TENM4: variants seen among roughly 807,000 people sequenced by gnomAD.
TENM4 encodes teneurin-4.
Under a neutral mutation model 243.3 loss-of-function variants are expected in TENM4, and 82 were observed. That is an observed-to-expected ratio of 0.34 (90% CI 0.28 to 0.40). The LOEUF (loss-of-function observed/expected upper bound fraction) is 0.40. TENM4 is among the 10% of genes least tolerant of loss of function. TENM4 has a pLI of 1.00. For missense variants in TENM4, 3,138 were observed against 3,673.3 expected (o/e 0.85, Z 3.77); for synonymous variants, 1,412 against 1,456.3 (o/e 0.97, Z 0.69).
chr11:79,218,240 C>CCA (rs1274470149), intron 2 of TENM4, among the ~76,000 whole-genome samples: 1 of 138,584 alleles, frequency 7.2e-6, no homozygotes, highest in Non-Finnish European at 1.6e-5. Flanking sequence ...GCCCACCCAC[C>CCA]CCCGACACAC....
intron 4 of TENM4, among the ~76,000 whole-genome samples, chr11:79,073,769 G>T (rs1860473060): frequency 6.6e-6 from 1 of 152,164 alleles, no homozygotes; most frequent in Admixed American, 6.5e-5. Context: ...AATGAGTTAA[G>T]ATGTGCCCCT....
intron 25 of TENM4, among the ~76,000 whole-genome samples, chr11:78,717,650 C>G (rs1410910288): frequency 6.6e-6 from 1 of 152,186 alleles, no homozygotes; most frequent in Non-Finnish European, 1.5e-5. Context: ...ATAAAATACC[C>G]AATAAATGGC....
intron 1 of TENM4, among the ~76,000 whole-genome samples, chr11:79,419,357 T>G (rs887678745): frequency 6.6e-6 from 1 of 152,128 alleles, no homozygotes; most frequent in East Asian, 1.9e-4. Context: ...AGTCGAGCTG[T>G]TCACACCCAC....
chr11:78,792,781 A>C (rs1857084224), intron 15 of TENM4, among the ~76,000 whole-genome samples: 1 of 152,336 alleles, frequency 6.6e-6, no homozygotes, highest in Admixed American at 6.5e-5. Context: ...GTAGAGGCTC[A>C]GTGTCCTTTG....
intron 6 of TENM4, among the ~76,000 whole-genome samples, chr11:79,000,605 T>TA (rs935455219): frequency 2.6e-5 from 4 of 151,654 alleles, no homozygotes; most frequent in African/African-American, 9.7e-5. Flanking sequence ...GAGCAACCAC[T>TA]AAAAAAAATC....
At chr11:79,222,365 ATGGTG>A (rs1370555402) in intron 2 of TENM4, among the ~76,000 whole-genome samples, 6 of 152,188 alleles carry the variant, frequency 3.9e-5, no homozygotes, top group Non-Finnish European at 7.3e-5. Flanking sequence ...ATAGTATTCC[ATGGTG>A]TATATGTACA....
intron 3 of TENM4, among the ~76,000 whole-genome samples, chr11:79,156,900 T>G (rs1354345935): frequency 1.3e-5 from 2 of 152,158 alleles, no homozygotes; most frequent in African/African-American, 4.8e-5. Context: ...CATAAGCATT[T>G]TAAAAATATA....
chr11:79,218,761 G>A (rs1254782906), intron 2 of TENM4, among the ~76,000 whole-genome samples: 1 of 152,068 alleles, frequency 6.6e-6, no homozygotes, highest in East Asian at 1.9e-4. Context: ...ACCTCCAGTA[G>A]ACAAAACAAA....
intron 1 of TENM4, among the ~76,000 whole-genome samples, chr11:79,314,853 A>G (rs1856778850): frequency 1.3e-5 from 2 of 152,202 alleles, no homozygotes; most frequent in Non-Finnish European, 2.9e-5. Flanking sequence ...CTGGCTCCAT[A>G]CCCAGAAACT....
intron 6 of TENM4, among the ~76,000 whole-genome samples, chr11:78,945,528 C>T (rs932356834): frequency 6.6e-6 from 1 of 152,174 alleles, no homozygotes; most frequent in Non-Finnish European, 1.5e-5. Flanking sequence ...ATTAATAACC[C>T]TACAATGGCC....
At chr11:78,671,546 G>A (rs975121012) in intron 31 of TENM4, among the ~76,000 whole-genome samples, 5 of 152,190 alleles carry the variant, frequency 3.3e-5, no homozygotes, top group Non-Finnish European at 7.3e-5. Context: ...TTTGATTTTA[G>A]GTCATTTCTG....
At chr11:78,874,014 T>C (rs1859203194) in intron 9 of TENM4, among the ~76,000 whole-genome samples, 1 of 152,056 alleles carries the variant, frequency 6.6e-6, no homozygotes, top group Admixed American at 6.6e-5. Context: ...CAGCCAAAAG[T>C]AGCCACTGCC....
chr11:79,068,632 CTG>C (rs1860330050), intron 5 of TENM4, among the ~76,000 whole-genome samples: 1 of 152,156 alleles, frequency 6.6e-6, no homozygotes, highest in Non-Finnish European at 1.5e-5. Context: ...CTGACCCTGT[CTG>C]TGAAGGGGGA....
At chr11:79,415,048 T>G (rs556999441) in intron 1 of TENM4, among the ~76,000 whole-genome samples, 15 of 152,316 alleles carry the variant, frequency 9.8e-5, no homozygotes, top group African/African-American at 3.6e-4. Flanking sequence ...CCCACCACTT[T>G]GCAGCCCTGG....
chr11:79,392,137 C>T (rs968566008), intron 1 of TENM4, among the ~76,000 whole-genome samples: 2 of 152,148 alleles, frequency 1.3e-5, no homozygotes, highest in African/African-American at 4.8e-5. Context: ...GTGGCTTAGC[C>T]CCAGGAACTC....
At chr11:78,684,136 C>T (rs1249947400) in intron 29 of TENM4, among the ~76,000 whole-genome samples, 1 of 152,226 alleles carries the variant, frequency 6.6e-6, no homozygotes, top group Non-Finnish European at 1.5e-5. Flanking sequence ...GGAGTCACTG[C>T]TCCGTTAATG....
intron 6 of TENM4, among the ~76,000 whole-genome samples, chr11:78,908,199 C>T (rs189008070): frequency 1.3e-5 from 2 of 152,242 alleles, no homozygotes; most frequent in East Asian, 3.9e-4. Flanking sequence ...GTCAGAGAGC[C>T]CTGAGTTCAA....
Position 78,903,338 on chromosome 11 carries a change from C to G in TENM4, c.679G>C (p.Gly227Arg). The G allele has an allele frequency of 6.8e-7, 1 of 1,478,484 alleles. No individual in the cohort carries two copies. Among genetic ancestry groups the G allele is most frequent in the Non-Finnish European group, 9.0e-7 (1 of 1,115,952 alleles). 91.6% of individuals were successfully genotyped at this position (1,478,484 alleles called of 1,614,324 possible). A position where few individuals can be genotyped will look rare whatever the true frequency, so the allele number is the denominator to read the frequency against. Residue 227 changes from glycine to arginine, a missense_variant, in exon 7 of 34, where the codon GGC becomes CGC. By Grantham distance (125) the Gly-to-Arg change is moderately radical. This residue lies in a region of TENM4 where 671 missense variants were observed against 614.1 expected (regional missense o/e 1.09). Transcript: ENST00000278550. ...GCGTGGGCAGGCTCCTGGGCGCCGC[C>G]GGCAGGGGGCTCTCCGGAGAGCGAG... ...DHSLSGEPPA[G>R]GAQEPAHAQE...
intron 1 of TENM4, among the ~76,000 whole-genome samples, chr11:79,340,594 TC>T (rs1857226334): frequency 6.6e-6 from 1 of 151,996 alleles, no homozygotes; most frequent in Non-Finnish European, 1.5e-5. Context: ...TAAAAGGCCT[TC>T]CCGCCCATCA....
Sources: allele counts gnomAD v4.1 joint callset (sites outside exome capture counted in the v4.1 genomes callset), GRCh38; gene constraint gnomAD v4.1.1; regional missense constraint gnomAD v4.1.1; transcripts MANE v1.5; gene names NCBI Gene and HGNC (gene_info 2026-07-23, HGNC 2026-07-21).